ASTN2: variants seen among roughly 807,000 people sequenced by gnomAD.
ASTN2 encodes the protein astrotactin-2.
A neutral mutation model predicts 139.8 loss-of-function variants in ASTN2; 54 were observed. That is an observed-to-expected ratio of 0.39 (90% CI 0.31 to 0.48). The LOEUF is 0.48. Ranked by LOEUF, ASTN2 falls within the 20% of genes least tolerant of loss-of-function variation. The pLI, the probability that ASTN2 is intolerant of heterozygous loss-of-function variation, is 0.95. For missense variants in ASTN2, 1,565 were observed against 1,725.1 expected (o/e 0.91, Z 1.64); for synonymous variants, 756 against 719.5 (o/e 1.05, Z -0.81).
At chr9:116,519,423 A>G (rs1850778918) in intron 19 of ASTN2, among the ~76,000 whole-genome samples, 1 of 152,132 alleles carries the variant, frequency 6.6e-6, no homozygotes, top group Admixed American at 6.6e-5. Context: ...GTCAACAATG[A>G]AATCAAGATG....
chr9:117,344,606 C>T (rs779063578), intron 1 of ASTN2, among the ~76,000 whole-genome samples: 9 of 152,184 alleles, frequency 5.9e-5, no homozygotes, highest in Non-Finnish European at 1.0e-4. Flanking sequence ...TCATGGACAA[C>T]ATAGCAGCTC....
chr9:117,042,444 A>C lies in ASTN2; in HGVS notation c.1277-2479T>G, dbSNP rs115461286. 4.1e-3 allele frequency among the ~76,000 whole-genome samples: 626 copies of C among 152,274 alleles called. 5 individuals are homozygous for C. Among genetic ancestry groups the C allele is most frequent in the African/African-American group, 0.015 (604 of 41,562 alleles). Reference sequence around the variant, plus strand: ...CAATGCATGGCTTATGGTAGGAACTATACATGAGATTGTGGTTATTGTAGT... The same window carrying C: ...CAATGCATGGCTTATGGTAGGAACTCTACATGAGATTGTGGTTATTGTAGT... On this transcript the variant is annotated intron_variant, in intron 5 of 22. Transcript: ENST00000313400.
At chr9:116,652,481 G>A (rs1857975573) in intron 16 of ASTN2, among the ~76,000 whole-genome samples, 1 of 152,178 alleles carries the variant, frequency 6.6e-6, no homozygotes, top group South Asian at 2.1e-4. Flanking sequence ...CCTACAAAAA[G>A]GATATCCTTC....
intron 1 of ASTN2, among the ~76,000 whole-genome samples, chr9:117,300,836 T>C (rs12685468): frequency 6.6e-6 from 1 of 151,886 alleles, no homozygotes; most frequent in Admixed American, 6.6e-5. Flanking sequence ...ACTCTTCAAA[T>C]AGTGGGATTA....
chr9:116,642,068 T>C (rs1386381347), intron 17 of ASTN2, among the ~76,000 whole-genome samples: 1 of 139,440 alleles, frequency 7.2e-6, no homozygotes, highest in Non-Finnish European at 1.5e-5. Flanking sequence ...TGGGTAGTGG[T>C]TCTCAAGCTC....
chr9:117,272,612 G>A (rs544891504), intron 2 of ASTN2, among the ~76,000 whole-genome samples: 520 of 152,216 alleles, frequency 3.4e-3, no homozygotes, highest in Non-Finnish European at 5.4e-3. Flanking sequence ...CACCCAAGTC[G>A]CCACTTGAAT....
At chr9:116,454,222 A>G (rs890589349) in intron 20 of ASTN2, among the ~76,000 whole-genome samples, 1 of 152,236 alleles carries the variant, frequency 6.6e-6, no homozygotes, top group Non-Finnish European at 1.5e-5. Context: ...TATAGATACA[A>G]CAGAATACTA....
chr9:116,641,029 A>G (rs1338137442), intron 17 of ASTN2, among the ~76,000 whole-genome samples: 1 of 152,180 alleles, frequency 6.6e-6, no homozygotes, highest in Non-Finnish European at 1.5e-5. Flanking sequence ...TCAGGATTTT[A>G]AAAATGGAAA....
chr9:116,673,049 G>A (rs1859293178), intron 16 of ASTN2, among the ~76,000 whole-genome samples: 2 of 152,206 alleles, frequency 1.3e-5, no homozygotes, highest in African/African-American at 2.4e-5. Context: ...CTCTCCATAG[G>A]TAGGGCATAG....
chr9:116,596,813 C>T (rs986491553), intron 19 of ASTN2, among the ~76,000 whole-genome samples: 1 of 152,088 alleles, frequency 6.6e-6, no homozygotes, highest in Non-Finnish European at 1.5e-5. Flanking sequence ...GATTAAGACT[C>T]ACGTGCTTAA....
intron 19 of ASTN2, among the ~76,000 whole-genome samples, chr9:116,495,817 C>G (rs1040876724): frequency 6.6e-6 from 1 of 152,140 alleles, no homozygotes; most frequent in South Asian, 2.1e-4. Flanking sequence ...GATACAAAGA[C>G]TACTAATTAA....
rs115337591 is a variant in ASTN2 at position 116,452,044 on chromosome 9, G to A, written c.3498-9491C>T. 9.9e-3 allele frequency among the ~76,000 whole-genome samples: 1,502 copies of A among 151,946 alleles called. 33 individuals carry two copies. Among genetic ancestry groups the A allele is most frequent in the African/African-American group, 0.035 (1,447 of 41,410 alleles). On this transcript the variant is annotated intron_variant, in intron 20 of 22. Coordinates refer to ENST00000313400, the MANE Select transcript of ASTN2 (RefSeq NM_001365068.1). Reference sequence around the variant, plus strand: ...GTGGACTAAATGATAACACATAATTGTACTAGCTATAGTACTTAATTGGAA... The same window carrying A: ...GTGGACTAAATGATAACACATAATTATACTAGCTATAGTACTTAATTGGAA...
At chr9:116,480,576 G>A (rs1267149299) in intron 20 of ASTN2, among the ~76,000 whole-genome samples, 1 of 152,206 alleles carries the variant, frequency 6.6e-6, no homozygotes, top group African/African-American at 2.4e-5. Flanking sequence ...ACAAGTAACA[G>A]AGACTAAATC....
In ASTN2 at chr9:117,332,101, GGAAA is replaced by G. The variant is rs528441612; in HGVS notation, c.443-40592_443-40589del. Among the ~76,000 whole-genome samples the G allele has an allele frequency of 9.9e-5, 15 of 152,190 alleles. No homozygotes were observed. In the East Asian group the frequency reaches 1.4e-3, roughly 14 times the overall value. ...AGGAAATGTAGATTTAATACAAAAGGGAAAGAAAGGAAATGAATGAATTCTTTTT... is the reference window on the plus strand; with the variant it reads ...AGGAAATGTAGATTTAATACAAAAGGGAAAGGAAATGAATGAATTCTTTTT... On this transcript the variant is annotated intron_variant, in intron 1 of 22. Coordinates refer to ENST00000313400, the MANE Select transcript of ASTN2 (RefSeq NM_001365068.1).
chr9:116,677,970 T>C (rs1248948193), intron 16 of ASTN2, among the ~76,000 whole-genome samples: 1 of 152,216 alleles, frequency 6.6e-6, no homozygotes, highest in African/African-American at 2.4e-5. Flanking sequence ...TGTATGTTTA[T>C]ATCTAAAAGA....
intron 3 of ASTN2, among the ~76,000 whole-genome samples, chr9:117,167,984 C>A (rs911565607): frequency 6.6e-6 from 1 of 152,018 alleles, no homozygotes; most frequent in African/African-American, 2.4e-5. Flanking sequence ...GAGAAAGAAA[C>A]CCAGGGCAGT....
chr9:116,547,203 T>G (rs564960512), intron 19 of ASTN2: 1 of 152,344 alleles, frequency 6.6e-6, no homozygotes, highest in South Asian at 2.1e-4. Flanking sequence ...GTTCCCCATG[T>G]GTGGATGCAG....
intron 1 of ASTN2, among the ~76,000 whole-genome samples, chr9:117,370,050 C>G (rs1829948820): frequency 6.8e-6 from 1 of 147,176 alleles, no homozygotes; most frequent in East Asian, 2.0e-4. Flanking sequence ...ACCCACCTCC[C>G]TCCACACTGC....
At chr9:116,705,799 T>C (rs987579472) in intron 16 of ASTN2, among the ~76,000 whole-genome samples, 3 of 152,058 alleles carry the variant, frequency 2.0e-5, no homozygotes, top group African/African-American at 7.2e-5. Flanking sequence ...AGTGTTTGAG[T>C]AAAGACTGCT....
Sources: allele counts gnomAD v4.1 joint callset (sites outside exome capture counted in the v4.1 genomes callset), GRCh38; gene constraint gnomAD v4.1.1; transcripts MANE v1.5; gene names NCBI Gene and HGNC (gene_info 2026-07-23, HGNC 2026-07-21).